The following DCUN1D5 variants were observed in gnomAD, a reference collection of about 807,000 sequenced individuals.
The protein encoded by DCUN1D5 is DCN1-like protein 5.
A neutral mutation model predicts 38.3 loss-of-function variants in DCUN1D5; 10 were observed. That is an observed-to-expected ratio of 0.26 (90% CI 0.16 to 0.44). The LOEUF (loss-of-function observed/expected upper bound fraction) is 0.44. Ranked by LOEUF, DCUN1D5 falls within the 20% of genes least tolerant of loss-of-function variation. The pLI, the probability that DCUN1D5 is intolerant of heterozygous loss-of-function variation, is 1.00. For synonymous variants in DCUN1D5, 93 were observed against 90.9 expected (o/e 1.02, Z -0.13); for missense variants, 148 against 275.3 (o/e 0.54, Z 3.27).
chr11:103,087,941 G>A lies in DCUN1D5; in HGVS notation c.178+1286C>T, dbSNP rs1862756398. On this transcript the variant is annotated intron_variant, in intron 2 of 7. Coordinates refer to ENST00000260247, the MANE Select transcript of DCUN1D5 (RefSeq NM_032299.4). This position sits in a 1 kb window ranked among gnomAD's most constrained non-coding sequence, Gnocchi z 4.1. Reference sequence around the variant, plus strand: ...TTCATACCAGTAAAACTGGCATTTGGGATAATGGGTCAACATTTTAAATGG... The same window carrying A: ...TTCATACCAGTAAAACTGGCATTTGAGATAATGGGTCAACATTTTAAATGG... 6.6e-6 allele frequency among the ~76,000 whole-genome samples: 1 copy of A among 151,932 alleles called. No homozygotes were observed. The highest frequency in any genetic ancestry group is 1.5e-5 in the Non-Finnish European group (1 of 67,982).
chr11:103,066,570 T>C lies in DCUN1D5; in HGVS notation c.342-3A>G, dbSNP rs781715601. On this transcript the variant is annotated splice_region_variant and splice_polypyrimidine_tract_variant and intron_variant, in intron 4 of 7. Transcript: ENST00000260247. This position sits in a 1 kb window ranked among gnomAD's most constrained non-coding sequence, Gnocchi z 4.7. Reference sequence around the variant, plus strand: ...GTAACTTTTCTGTGCAGTCACACCTTAAATAAAAGAAATATCAAACAAATT... The same window carrying C: ...GTAACTTTTCTGTGCAGTCACACCTCAAATAAAAGAAATATCAAACAAATT... The C allele has an allele frequency of 6.4e-7, 1 of 1,563,338 alleles. No individual in the cohort carries two copies. Among genetic ancestry groups the C allele is most frequent in the Non-Finnish European group, 8.8e-7 (1 of 1,138,626 alleles).
rs1392290788 is a variant in DCUN1D5, at chr11:103,063,410, G to A, written c.658+865C>T. ...CCATATACAGCCTTTGGGCTGCCAG[G>A]TTACTGCTGCTAGGTATTATTTCTT... On this transcript the variant is annotated intron_variant, in intron 7 of 7. Transcript: ENST00000260247. This position sits in a 1 kb window ranked among gnomAD's most constrained non-coding sequence, Gnocchi z 4.6. Among the ~76,000 whole-genome samples, 1 of 152,062 alleles carries A rather than the reference G, an allele frequency of 6.6e-6. No homozygotes were observed. Among genetic ancestry groups the A allele is most frequent in the Non-Finnish European group, 1.5e-5 (1 of 67,982 alleles).
rs992111432 is a variant in DCUN1D5, at chr11:103,058,357, G to A, written c.*4002C>T. On this transcript the variant is annotated 3_prime_UTR_variant, in exon 8 of 8. Coordinates refer to ENST00000260247, the MANE Select transcript of DCUN1D5 (RefSeq NM_032299.4). ...AGATTGTAAGGTGGACACAGCAAAT[G>A]TATGATCGATCAGTTTTAAGACTGT... 6.6e-6 allele frequency among the ~76,000 whole-genome samples: 1 copy of A among 152,190 alleles called. No individual in the cohort carries two copies. Among genetic ancestry groups the A allele is most frequent in the African/African-American group, 2.4e-5 (1 of 41,454 alleles).
At chr11:103,072,409 G>C (rs7931258) in intron 4 of DCUN1D5, among the ~76,000 whole-genome samples, 4,970 of 146,012 alleles carry the variant, frequency 0.034, 281 homozygotes, top group African/African-American at 0.12. Context: ...TCCCATTACT[G>C]GGCATATACC....
In DCUN1D5 at chr11:103,065,376, C is replaced by T. The variant is rs761228863; in HGVS notation, c.555+893G>A. ...TTCACCATGTTGGCCAGGCTGGTCT[C>T]GAACTCCTGGCCTCAAGTGATCTGC... On this transcript the variant is annotated intron_variant, in intron 6 of 7. Coordinates refer to ENST00000260247, the MANE Select transcript of DCUN1D5 (RefSeq NM_032299.4). The surrounding 1 kb of genome is among the most constrained non-coding windows in gnomAD (Gnocchi z 4.6). 4.6e-5 allele frequency among the ~76,000 whole-genome samples: 7 copies of T among 152,066 alleles called. No individual in the cohort carries two copies. The highest frequency in any genetic ancestry group is 7.4e-5 in the Non-Finnish European group (5 of 68,016).
rs1470325604 is a variant in DCUN1D5 at position 103,062,258 on chromosome 11, T to C, written c.*101A>G. 2 of 1,159,786 alleles carry C rather than the reference T, an allele frequency of 1.7e-6. No homozygotes were observed. Among genetic ancestry groups the C allele is most frequent in the Non-Finnish European group, 2.5e-6 (2 of 784,524 alleles). The allele number at this position is 1,159,786 out of a possible 1,614,324, so 71.8% of individuals were successfully genotyped here. On this transcript the variant is annotated 3_prime_UTR_variant, in exon 8 of 8. Transcript: ENST00000260247. This position sits in a 1 kb window ranked among gnomAD's most constrained non-coding sequence, Gnocchi z 4.6. Reference sequence around the variant, plus strand: ...AAAAAGTACTATGAGAAGTCTTTCATATGAATGAAAATGCACCCGTTGGAT... The same window carrying C: ...AAAAAGTACTATGAGAAGTCTTTCACATGAATGAAAATGCACCCGTTGGAT...
intron 4 of DCUN1D5, among the ~76,000 whole-genome samples, chr11:103,068,980 T>C (rs1862205053): frequency 6.6e-6 from 1 of 152,120 alleles, no homozygotes; most frequent in Non-Finnish European, 1.5e-5. Flanking sequence ...TAAGAGAGAA[T>C]GAAAAGAGTG....
chr11:103,091,624 C>A lies in DCUN1D5; in HGVS notation c.86+163G>T. 7.7e-7 allele frequency: 1 copy of A among 1,300,644 alleles called. No homozygotes were observed. Among genetic ancestry groups the A allele is most frequent in the Non-Finnish European group, 1.1e-6 (1 of 932,100 alleles). The allele number at this position is 1,300,644 out of a possible 1,614,324, so 80.6% of individuals were successfully genotyped here. A position where few individuals can be genotyped will look rare whatever the true frequency, so the allele number is the denominator to read the frequency against. On this transcript the variant is annotated intron_variant, in intron 1 of 7. Coordinates refer to ENST00000260247, the MANE Select transcript of DCUN1D5 (RefSeq NM_032299.4). This position sits in a 1 kb window ranked among gnomAD's most constrained non-coding sequence, Gnocchi z 4.3. ...CACACACTCGAACACGAGGTCGGGT[C>A]GGGCGCGGAGACTCGCGGTGTTCGG...
chr11:103,063,947 TCATGA>T lies in DCUN1D5; in HGVS notation c.658+323_658+327del, dbSNP rs1174463496. ...TTGTTTTGCTGTTATATTTTTAAAA[TCATGA>T]CTGTACTTTTCTTCCATAGGCAAAT... On this transcript the variant is annotated intron_variant, in intron 7 of 7. Transcript: ENST00000260247. The surrounding 1 kb of genome is among the most constrained non-coding windows in gnomAD (Gnocchi z 4.6). Among the ~76,000 whole-genome samples, 1 of 152,140 alleles carries T rather than the reference TCATGA, an allele frequency of 6.6e-6. No individual in the cohort carries two copies. Among genetic ancestry groups the T allele is most frequent in the East Asian group, 1.9e-4 (1 of 5,194 alleles).
At position 103,064,207 on chromosome 11, in the gene DCUN1D5, A is replaced by C; in HGVS notation, c.658+68T>G. ...TAAAACCTCTATGCTAATACTACAC[A>C]AATGCATACTCTCATTTAATATTTT... On this transcript the variant is annotated intron_variant, in intron 7 of 7. Transcript: ENST00000260247. This position sits in a 1 kb window ranked among gnomAD's most constrained non-coding sequence, Gnocchi z 4.5. 1 of 1,213,428 alleles carries C rather than the reference A, an allele frequency of 8.2e-7. No homozygotes were observed. The highest frequency in any genetic ancestry group is 1.2e-6 in the Non-Finnish European group (1 of 835,352). The allele number at this position is 1,213,428 out of a possible 1,614,324, so 75.2% of individuals were successfully genotyped here.
rs575003323 is a variant in DCUN1D5, at chr11:103,061,285, A to C, written c.*1074T>G. On this transcript the variant is annotated 3_prime_UTR_variant, in exon 8 of 8. Coordinates refer to ENST00000260247, the MANE Select transcript of DCUN1D5 (RefSeq NM_032299.4). ...TTTCTGAAGTTGTGACTGGGCTATG[A>C]ATATGAACAAAGTTTTCATATCACT... Among the ~76,000 whole-genome samples the C allele has an allele frequency of 1.2e-4, 18 of 152,284 alleles. No homozygotes were observed. Among genetic ancestry groups the C allele is most frequent in the African/African-American group, 4.3e-4 (18 of 41,572 alleles).
Position 103,061,088 on chromosome 11 carries a change from T to C in DCUN1D5, c.*1271A>G, listed in dbSNP as rs931945671. The stretch of plus-strand genomic sequence containing the variant: ...AGCTGATTAACTAAAAAGCAAACAA[T>C]AAAACACTTTAAAATGTCATTCTCT... On this transcript the variant is annotated 3_prime_UTR_variant, in exon 8 of 8. Coordinates refer to ENST00000260247, the MANE Select transcript of DCUN1D5 (RefSeq NM_032299.4). Among the ~76,000 whole-genome samples the C allele has an allele frequency of 5.9e-5, 9 of 152,068 alleles. No individual in the cohort carries two copies. Among genetic ancestry groups the C allele is most frequent in the African/African-American group, 2.2e-4 (9 of 41,432 alleles).
chr11:103,080,963 C>A (rs570194937), intron 4 of DCUN1D5, among the ~76,000 whole-genome samples: 1 of 151,496 alleles, frequency 6.6e-6, no homozygotes, highest in Non-Finnish European at 1.5e-5. Context: ...GAGCCAAGAT[C>A]GCGCCACTGT....
At chr11:103,067,916 C>A (rs568854034) in intron 4 of DCUN1D5, among the ~76,000 whole-genome samples, 1 of 151,984 alleles carries the variant, frequency 6.6e-6, no homozygotes, top group Non-Finnish European at 1.5e-5. Context: ...TTTTCCCCCC[C>A]GTTTTTTGAA....
At chr11:103,089,397 T>C in intron 1 of DCUN1D5, 79 bp from the exon 2 acceptor site, 1 of 1,248,786 alleles carries the variant, frequency 8.0e-7, no homozygotes, top group South Asian at 1.5e-5. Context: ...ATTAACAACT[T>C]CCATTCACAT....
At chr11:103,084,087 T>G (rs1384560540) in intron 2 of DCUN1D5, among the ~76,000 whole-genome samples, 1 of 152,240 alleles carries the variant, frequency 6.6e-6, no homozygotes, top group Non-Finnish European at 1.5e-5. Flanking sequence ...TTATCATTTT[T>G]TCAAAATGTT....
In DCUN1D5 at chr11:103,087,231, T is replaced by A. The variant is rs1862735139; in HGVS notation, c.178+1996A>T. Among the ~76,000 whole-genome samples the A allele has an allele frequency of 6.7e-6, 1 of 150,104 alleles. No homozygotes were observed. The highest frequency in any genetic ancestry group is 1.5e-5 in the Non-Finnish European group (1 of 67,592). On this transcript the variant is annotated intron_variant, in intron 2 of 7. Coordinates refer to ENST00000260247, the MANE Select transcript of DCUN1D5 (RefSeq NM_032299.4). This position sits in a 1 kb window ranked among gnomAD's most constrained non-coding sequence, Gnocchi z 4.1. ...TGTCACCCAGGCTGGAGTGCAGTGG[T>A]GTTATCTCGGCTCACTGTGAGCTCC...
At position 103,057,482 on chromosome 11, in the gene DCUN1D5, A is replaced by G. The variant is rs912563478; in HGVS notation, c.*4877T>C. On this transcript the variant is annotated 3_prime_UTR_variant, in exon 8 of 8. Transcript: ENST00000260247. This position sits in a 1 kb window ranked among gnomAD's most constrained non-coding sequence, Gnocchi z 4.8. ...ACTTTGGGAGTCTGAGGTGGGTGGG[A>G]TCACTTGAGGGCAGGAGTTTGAGAC... Among the ~76,000 whole-genome samples, 1 of 151,854 alleles carries G rather than the reference A, an allele frequency of 6.6e-6. No individual in the cohort carries two copies. The highest frequency in any genetic ancestry group is 1.5e-5 in the Non-Finnish European group (1 of 67,964).
intron 4 of DCUN1D5, among the ~76,000 whole-genome samples, chr11:103,067,505 T>C (rs960758033): frequency 1.3e-5 from 2 of 152,214 alleles, no homozygotes; most frequent in African/African-American, 4.8e-5. Flanking sequence ...AGAGACCATC[T>C]GACTCCCTTT....
Sources: allele counts gnomAD v4.1 joint callset (sites outside exome capture counted in the v4.1 genomes callset), GRCh38; gene constraint gnomAD v4.1.1; non-coding constraint Gnocchi (gnomAD v3.1); transcripts MANE v1.5; gene names NCBI Gene and HGNC (gene_info 2026-07-23, HGNC 2026-07-21).